LOC101059915: variants seen among roughly 807,000 people sequenced by gnomAD.
the LOC101059915 span, chrX:71,667,836 G>C: frequency 9.3e-7 from 1 of 1,079,267 alleles, no homozygotes; most frequent in East Asian, 3.5e-5. Context: ...CCGTTTGCAG[G>C]GCTGGTTTAG....
At chrX:71,667,755 C>T in the LOC101059915 span, 1 of 1,007,959 alleles carries the variant, frequency 9.9e-7, no homozygotes, top group South Asian at 3.7e-5. Context: ...CCCACTGTTA[C>T]CAGGACGACT....
At chrX:71,667,741 C>T in the LOC101059915 span, 3 of 984,565 alleles carry the variant, frequency 3.0e-6, no homozygotes, top group Non-Finnish European at 3.8e-6. Context: ...CTCGGCTCTC[C>T]TCTCCCACTG....
chrX:71,669,707 C>T, the LOC101059915 span: 1 of 974,417 alleles, frequency 1.0e-6, no homozygotes, highest in East Asian at 4.1e-5. Context: ...AGATGCCATG[C>T]ATCCTCCGGT....
chrX:71,667,896 C>G, the LOC101059915 span: 2 of 1,122,494 alleles, frequency 1.8e-6, no homozygotes, highest in East Asian at 6.7e-5. Context: ...GCCCGGGAGC[C>G]CCACGGGGTG....
At chrX:71,670,185 T>C in the LOC101059915 span, 1 of 1,139,349 alleles carries the variant, frequency 8.8e-7, no homozygotes, top group Non-Finnish European at 1.2e-6. Context: ...TGATGGTGCC[T>C]CACTTTAGAC....
the LOC101059915 span, chrX:71,669,164 C>T: frequency 1.1e-6 from 1 of 904,442 alleles, no homozygotes; most frequent in East Asian, 3.7e-5. Context: ...CTCTCTATCC[C>T]TTGCTCACAG....
At chrX:71,669,446 G>A in the LOC101059915 span, 11 of 656,465 alleles carry the variant, frequency 1.7e-5, no homozygotes, top group Non-Finnish European at 2.0e-5. Context: ...GGTGGACTGA[G>A]GGAGAAAGTG....
At chrX:71,667,722 T>C in the LOC101059915 span, 2 of 942,131 alleles carry the variant, frequency 2.1e-6, no homozygotes, top group Non-Finnish European at 1.3e-6. Context: ...TCGGCTGGGC[T>C]TGGCTGGGCT....
the LOC101059915 span, among the ~76,000 whole-genome samples, chrX:71,669,339 C>A: frequency 8.9e-6 from 1 of 111,846 alleles, no homozygotes; most frequent in Non-Finnish European, 1.9e-5. Context: ...ACAGGGCTGG[C>A]AGCTGGTTTG....
At chrX:71,670,281 C>A in the LOC101059915 span, 3 of 1,164,405 alleles carry the variant, frequency 2.6e-6, no homozygotes, top group African/African-American at 3.6e-5. Flanking sequence ...ACCTGTCCAT[C>A]CCCCAAGACC....
the LOC101059915 span, chrX:71,667,633 G>A: frequency 2.6e-6 from 1 of 390,498 alleles, no homozygotes; most frequent in African/African-American, 2.6e-5. Context: ...CAAAGGCCTT[G>A]CTGTTCCTGT....
At chrX:71,668,416 A>G in the LOC101059915 span, 2 of 1,161,718 alleles carry the variant, frequency 1.7e-6, no homozygotes, top group Non-Finnish European at 2.3e-6. Context: ...CGGGCTGAAT[A>G]CTGACGACTC....
chrX:71,669,718 G>T, the LOC101059915 span: 1 of 974,505 alleles, frequency 1.0e-6, no homozygotes, highest in Non-Finnish European at 1.3e-6. Flanking sequence ...ATCCTCCGGT[G>T]AGTCTTGCGG....
the LOC101059915 span, chrX:71,670,897 T>C: frequency 5.6e-5 from 42 of 752,358 alleles, no homozygotes; most frequent in Non-Finnish European, 6.6e-5. Flanking sequence ...GATCTTCTCT[T>C]AGAACGGTTA....
the LOC101059915 span, chrX:71,667,639 C>T: frequency 2.4e-6 from 1 of 421,764 alleles, no homozygotes; most frequent in Non-Finnish European, 3.5e-6. Context: ...CCTTGCTGTT[C>T]CTGTGGCCCC....
the LOC101059915 span, chrX:71,670,348 T>C: frequency 1.7e-6 from 2 of 1,165,487 alleles, no homozygotes. Flanking sequence ...ATGCTTTGTG[T>C]GGCTCCTAGA....
the LOC101059915 span, chrX:71,670,674 G>T: frequency 2.5e-4 from 280 of 1,114,698 alleles, 1 homozygote; most frequent in African/African-American, 4.6e-3. Flanking sequence ...TGGAGCACTG[G>T]CTGGGGCAGG....
At chrX:71,670,220 T>G in the LOC101059915 span, 1 of 1,165,299 alleles carries the variant, frequency 8.6e-7, no homozygotes, top group Non-Finnish European at 1.1e-6. Flanking sequence ...TCCACCTCAC[T>G]GGGCGGCTTG....
At chrX:71,671,509 T>A in the LOC101059915 span, 1 of 292,284 alleles carries the variant, frequency 3.4e-6, no homozygotes. Context: ...CAGTGTGAAA[T>A]AAAGTTGTTC....
Sources: allele counts gnomAD v4.1 joint callset (sites outside exome capture counted in the v4.1 genomes callset), GRCh38; gene constraint gnomAD v4.1.1; transcripts MANE v1.5.